Variants in UNC5D observed in about 807,000 individuals in gnomAD.
The protein encoded by UNC5D is netrin receptor UNC5D.
A neutral mutation model predicts 105.4 loss-of-function variants in UNC5D; 39 were observed. The ratio of observed to expected loss-of-function variants is 0.37; its 90% CI spans 0.29 to 0.48. The LOEUF (loss-of-function observed/expected upper bound fraction) is 0.48. UNC5D is among the 20% of genes least tolerant of loss of function. The probability of loss-of-function intolerance (pLI) is 0.98; values close to 1 mark genes in which losing one functional copy is unlikely to be tolerated. For missense variants in UNC5D, 991 were observed against 1,202.4 expected (o/e 0.82, Z 2.60); for synonymous variants, 452 against 450.4 (o/e 1.00, Z -0.04).
At chr8:35,668,896 T>C (rs1329140571) in intron 4 of UNC5D, among the ~76,000 whole-genome samples, 1 of 152,130 alleles carries the variant, frequency 6.6e-6, no homozygotes, top group African/African-American at 2.4e-5. Flanking sequence ...TTTTTTTTCT[T>C]GGTTTTCATG....
chr8:35,677,916 G>C (rs979601556), intron 4 of UNC5D, among the ~76,000 whole-genome samples: 7 of 151,744 alleles, frequency 4.6e-5, no homozygotes, highest in Non-Finnish European at 5.9e-5. Context: ...GTATGTGTGT[G>C]TGTATGTATA....
At chr8:35,695,197 A>G (rs1432414253) in intron 7 of UNC5D, among the ~76,000 whole-genome samples, 1 of 152,184 alleles carries the variant, frequency 6.6e-6, no homozygotes, top group East Asian at 1.9e-4. Flanking sequence ...GGACAAAAGA[A>G]TCAATATCCT....
intron 16 of UNC5D, among the ~76,000 whole-genome samples, chr8:35,782,542 C>T (rs529624463): frequency 6.8e-6 from 1 of 146,274 alleles, no homozygotes; most frequent in Middle Eastern, 3.5e-3. Flanking sequence ...CTCACCCTGT[C>T]ACCCAGGCTG....
intron 2 of UNC5D, among the ~76,000 whole-genome samples, chr8:35,566,952 C>T (rs561181771): frequency 7.2e-5 from 11 of 152,028 alleles, no homozygotes; most frequent in East Asian, 1.9e-4. Context: ...TGGTACAGGA[C>T]GACTGCTCAT....
chr8:35,631,506 C>T (rs546235093), intron 4 of UNC5D, among the ~76,000 whole-genome samples: 2 of 152,144 alleles, frequency 1.3e-5, no homozygotes, highest in Non-Finnish European at 2.9e-5. Context: ...AAGCTGTTGA[C>T]CCAATTCTCT....
intron 1 of UNC5D, among the ~76,000 whole-genome samples, chr8:35,476,133 G>A (rs946844344): frequency 5.3e-5 from 8 of 152,182 alleles, no homozygotes; most frequent in Non-Finnish European, 1.2e-4. Flanking sequence ...CTTTGGCTCA[G>A]GATTGTTTAC....
intron 1 of UNC5D, among the ~76,000 whole-genome samples, chr8:35,365,820 G>T (rs931353587): frequency 6.6e-6 from 1 of 152,016 alleles, no homozygotes; most frequent in African/African-American, 2.4e-5. Flanking sequence ...AATGCTTTGA[G>T]TGCATCTTAT....
intron 2 of UNC5D, among the ~76,000 whole-genome samples, chr8:35,558,295 AT>A (rs1816701874): frequency 6.6e-6 from 1 of 152,126 alleles, no homozygotes; most frequent in Admixed American, 6.6e-5. Flanking sequence ...AACTTATGAC[AT>A]CTTTGATTTA....
At chr8:35,527,551 C>CA (rs1813965679) in intron 1 of UNC5D, among the ~76,000 whole-genome samples, 1 of 150,954 alleles carries the variant, frequency 6.6e-6, no homozygotes, top group Non-Finnish European at 1.5e-5. Flanking sequence ...CTCCTGTTTT[C>CA]TTTTTTTTTC....
At chr8:35,789,568 A>G (rs1802933707) in intron 16 of UNC5D, among the ~76,000 whole-genome samples, 1 of 152,084 alleles carries the variant, frequency 6.6e-6, no homozygotes, top group African/African-American at 2.4e-5. Context: ...CGGAGACACC[A>G]GTTTCTGATG....
chr8:35,538,948 T>C (rs2130615799), intron 1 of UNC5D, among the ~76,000 whole-genome samples: 1 of 152,230 alleles, frequency 6.6e-6, no homozygotes, highest in East Asian at 1.9e-4. Context: ...GAGGGACAAC[T>C]GTACTAAAGA....
At chr8:35,305,592 T>TCTTTCTTTCTTTC (rs1808301835) in intron 1 of UNC5D, among the ~76,000 whole-genome samples, 4 of 59,970 alleles carry the variant, frequency 6.7e-5, no homozygotes, top group Non-Finnish European at 9.9e-5. Flanking sequence ...TTTCTTTCTT[T>TCTTTCTTTCTTTC]CTTTCTTTCT....
intron 1 of UNC5D, among the ~76,000 whole-genome samples, chr8:35,298,014 C>G (rs1585524636): frequency 6.6e-6 from 1 of 152,176 alleles, no homozygotes; most frequent in Admixed American, 6.5e-5. Context: ...TGGTCAGTCT[C>G]AGGCTTCACA....
Position 35,684,748 on chromosome 8 carries a change from T to C in UNC5D, c.918T>C (p.Pro306=). The change falls in exon 6 of 17, where the codon CCT becomes CCC. Residue 306 remains proline (P), a splice_region_variant and synonymous_variant. Coordinates refer to ENST00000404895, the MANE Select transcript of UNC5D (RefSeq NM_080872.4). ...VQKITCTSLC[P]VDGSWEVWSE... ...AAATAACCTGCACTTCTCTTTGTCC[T>C]GGTGAGATATATGCAGATTCCCTTT... 6.2e-7 allele frequency: 1 copy of C among 1,611,324 alleles called. No homozygotes were observed. Among genetic ancestry groups the C allele is most frequent in the Non-Finnish European group, 8.5e-7 (1 of 1,178,666 alleles).
intron 1 of UNC5D, among the ~76,000 whole-genome samples, chr8:35,353,234 G>T (rs1812366147): frequency 6.6e-6 from 1 of 152,096 alleles, no homozygotes; most frequent in Admixed American, 6.6e-5. Context: ...ACTCAATACA[G>T]AAATAGCATA....
At chr8:35,283,395 G>A (rs948996487) in intron 1 of UNC5D, among the ~76,000 whole-genome samples, 4 of 152,164 alleles carry the variant, frequency 2.6e-5, no homozygotes, top group African/African-American at 9.6e-5. Context: ...CTATTAGTGA[G>A]GCACGTCATG....
At chr8:35,707,565 G>T (rs548597894) in intron 8 of UNC5D, among the ~76,000 whole-genome samples, 1 of 152,262 alleles carries the variant, frequency 6.6e-6, no homozygotes, top group South Asian at 2.1e-4. Context: ...ATGACAGGTG[G>T]AGTAAGTGGA....
At chr8:35,420,944 A>C (rs2128966081) in intron 1 of UNC5D, among the ~76,000 whole-genome samples, 1 of 152,260 alleles carries the variant, frequency 6.6e-6, no homozygotes, top group South Asian at 2.1e-4. Context: ...CCAGAGACTG[A>C]CTTAAGTTAT....
chr8:35,703,692 G>T (rs1827357122), intron 7 of UNC5D, among the ~76,000 whole-genome samples: 1 of 152,122 alleles, frequency 6.6e-6, no homozygotes, highest in African/African-American at 2.4e-5. Flanking sequence ...GTTTTTAATG[G>T]AGTTTCATTC....
Sources: gnomAD v4.1 joint callset for allele counts (sites outside exome capture counted in the v4.1 genomes callset) on GRCh38, gnomAD v4.1.1 for gene constraint, MANE v1.5 for transcripts, NCBI Gene and HGNC (gene_info 2026-07-23, HGNC 2026-07-21) for gene names.